ATP8A2: variants seen among roughly 807,000 people sequenced by gnomAD.
ATP8A2 encodes the protein ATPase phospholipid transporting 8A2.
ATP8A2 carries 100 observed loss-of-function variants against 165.6 expected under a neutral mutation model. That is an observed-to-expected ratio of 0.60 (90% confidence interval 0.51 to 0.71). The LOEUF is 0.71. Ranked by LOEUF, ATP8A2 falls within the 30% of genes least tolerant of loss-of-function variation. The pLI, the probability that ATP8A2 is intolerant of heterozygous loss-of-function variation, is 0.00. For missense variants in ATP8A2, 1,227 were observed against 1,479.5 expected (o/e 0.83, Z 2.80); for synonymous variants, 543 against 548.8 (o/e 0.99, Z 0.15).
chr13:25,805,064 C>T (rs948311740), intron 27 of ATP8A2, among the ~76,000 whole-genome samples: 5 of 152,160 alleles, frequency 3.3e-5, no homozygotes, highest in Admixed American at 2.0e-4. Flanking sequence ...TATGTATTTT[C>T]GGTGCTTTGC....
intron 33 of ATP8A2, among the ~76,000 whole-genome samples, chr13:25,887,402 G>A (rs191308841): frequency 2.2e-4 from 34 of 151,940 alleles, no homozygotes; most frequent in African/African-American, 7.0e-4. Context: ...GCAGTGGCGC[G>A]ATCTTGGCTC....
intron 1 of ATP8A2, among the ~76,000 whole-genome samples, chr13:25,468,575 C>T (rs1357017893): frequency 6.6e-6 from 1 of 152,176 alleles, no homozygotes; most frequent in South Asian, 2.1e-4. Flanking sequence ...AGGGTACGCT[C>T]GGCCAGATGG....
intron 33 of ATP8A2, among the ~76,000 whole-genome samples, chr13:25,948,624 A>G (rs1002470019): frequency 2.0e-5 from 3 of 152,162 alleles, no homozygotes; most frequent in Non-Finnish European, 1.5e-5. Context: ...CCTTGAGCAG[A>G]TAACTAGGGT....
chr13:25,387,387 T>G (rs2033093986), intron 1 of ATP8A2, among the ~76,000 whole-genome samples: 1 of 152,128 alleles, frequency 6.6e-6, no homozygotes, highest in Non-Finnish European at 1.5e-5. Flanking sequence ...GTGGTCTCAG[T>G]CCTAGTCACG....
chr13:25,997,210 A>G (rs1471503435), intron 35 of ATP8A2, among the ~76,000 whole-genome samples: 2 of 152,104 alleles, frequency 1.3e-5, no homozygotes, highest in African/African-American at 4.8e-5. Context: ...TTTCTTTTTC[A>G]TTCCTGAAAG....
At chr13:25,904,843 C>T (rs1485444634) in intron 33 of ATP8A2, among the ~76,000 whole-genome samples, 1 of 152,232 alleles carries the variant, frequency 6.6e-6, no homozygotes. Context: ...CCTCAACATT[C>T]AGCGAATAAT....
intron 27 of ATP8A2, among the ~76,000 whole-genome samples, chr13:25,776,145 C>T (rs1429465244): frequency 6.6e-6 from 1 of 152,192 alleles, no homozygotes; most frequent in Non-Finnish European, 1.5e-5. Flanking sequence ...CTGGAAACAG[C>T]AATGCATTTT....
In ATP8A2 at chr13:25,577,126, C is replaced by T. The variant is rs769566090; in HGVS notation, c.1770C>T (p.Tyr590=). 1.6e-5 allele frequency: 26 copies of T among 1,613,740 alleles called. 1 individual carries two copies. In the African/African-American group the frequency reaches 3.5e-4, roughly 22 times the overall value. ...CTCCTTCAGGACGACTTCGGCTTTA[C>T]TGTAAAGGGGCTGTAAGTACCGGAG... The part of the protein sequence containing the change: ...VRTPSGRLRL[Y]CKGADNVIFE... The change falls in exon 20 of 37, where the codon TAC becomes TAT. Residue 590 remains tyrosine, a synonymous_variant. Coordinates refer to ENST00000381655, the MANE Select transcript of ATP8A2 (RefSeq NM_016529.6).
At chr13:25,941,788 C>G (rs979247752) in intron 33 of ATP8A2, among the ~76,000 whole-genome samples, 10 of 152,078 alleles carry the variant, frequency 6.6e-5, no homozygotes, top group Admixed American at 3.3e-4. Flanking sequence ...AATTTTGCAC[C>G]AAGAGACAAA....
chr13:25,677,951 G>A (rs1379120946), intron 24 of ATP8A2, among the ~76,000 whole-genome samples: 2 of 152,106 alleles, frequency 1.3e-5, no homozygotes, highest in Admixed American at 1.3e-4. Context: ...GGGGGTGGGG[G>A]ATATTACAGA....
At chr13:25,693,097 A>T (rs997017037) in intron 24 of ATP8A2, among the ~76,000 whole-genome samples, 2 of 152,230 alleles carry the variant, frequency 1.3e-5, no homozygotes, top group Non-Finnish European at 2.9e-5. Flanking sequence ...TATTAAAATA[A>T]GAGACTGTAG....
intron 33 of ATP8A2, among the ~76,000 whole-genome samples, chr13:25,862,676 T>C (rs1475128640): frequency 6.6e-6 from 1 of 152,232 alleles, no homozygotes; most frequent in Non-Finnish European, 1.5e-5. Flanking sequence ...TGCCCACATT[T>C]CCATAATAAA....
intron 25 of ATP8A2, among the ~76,000 whole-genome samples, chr13:25,707,956 C>T (rs2043086613): frequency 6.6e-6 from 1 of 152,176 alleles, no homozygotes; most frequent in South Asian, 2.1e-4. Context: ...TCCATCCGCT[C>T]TGCAGCTTTC....
intron 1 of ATP8A2, among the ~76,000 whole-genome samples, chr13:25,420,677 C>T (rs2034273825): frequency 6.6e-6 from 1 of 152,180 alleles, no homozygotes; most frequent in East Asian, 1.9e-4. Context: ...AACAAGCCTG[C>T]ACATCCTGCA....
At chr13:25,408,778 G>A (rs990715255) in intron 1 of ATP8A2, among the ~76,000 whole-genome samples, 2 of 152,076 alleles carry the variant, frequency 1.3e-5, no homozygotes, top group Admixed American at 1.3e-4. Flanking sequence ...TTGGTTCCTT[G>A]CTCAGCTAGT....
chr13:25,837,096 A>T (rs1397852237), intron 28 of ATP8A2, 67 bp from the exon 29 acceptor site: 1 of 1,569,662 alleles, frequency 6.4e-7, no homozygotes, highest in African/African-American at 1.4e-5. Context: ...ATCATTTGGT[A>T]GAAGGGAACA....
chr13:25,781,098 A>G (rs1193307567), intron 27 of ATP8A2, among the ~76,000 whole-genome samples: 2 of 152,058 alleles, frequency 1.3e-5, no homozygotes, highest in African/African-American at 2.4e-5. Context: ...CGTCTCTACT[A>G]AAAAAACACA....
At chr13:25,886,351 G>T (rs893047548) in intron 33 of ATP8A2, among the ~76,000 whole-genome samples, 3 of 152,194 alleles carry the variant, frequency 2.0e-5, no homozygotes, top group African/African-American at 7.2e-5. Context: ...AAGAGTCTCA[G>T]TGTGGAAACG....
intron 33 of ATP8A2, chr13:25,927,116 A>C: frequency 8.8e-6 from 4 of 456,582 alleles, no homozygotes; most frequent in Middle Eastern, 6.5e-4. Flanking sequence ...TGTAGCTCAC[A>C]TGCATGGTTT....
Sources: gnomAD v4.1 joint callset for allele counts (sites outside exome capture counted in the v4.1 genomes callset) on GRCh38, gnomAD v4.1.1 for gene constraint, MANE v1.5 for transcripts, NCBI Gene and HGNC (gene_info 2026-07-23, HGNC 2026-07-21) for gene names.